The following COL23A1 variants were observed in gnomAD, a reference collection of about 807,000 sequenced individuals.
The protein encoded by COL23A1 is collagen alpha-1(XXIII) chain.
COL23A1 carries 97 observed loss-of-function variants against 99.3 expected under a neutral mutation model. The observed-to-expected ratio is 0.98, with a 90% CI of 0.83 to 1.16. The LOEUF (loss-of-function observed/expected upper bound fraction) is 1.16. Ranked by LOEUF, COL23A1 falls within the 50% of genes most tolerant of loss-of-function variation. The pLI, the probability that COL23A1 is intolerant of heterozygous loss-of-function variation, is 0.00. For synonymous variants in COL23A1, 320 were observed against 308.2 expected, an observed-to-expected ratio of 1.04 and a Z score of -0.40; for missense variants, 762 against 757.4, an observed-to-expected ratio of 1.01 and a Z score of -0.07.
chr5:178,553,413 G>C (rs1373369057), intron 2 of COL23A1, among the ~76,000 whole-genome samples: 1 of 152,190 alleles, frequency 6.6e-6, no homozygotes, highest in African/African-American at 2.4e-5. Context: ...CAAATGTTTT[G>C]ATGGAGCAGA....
chr5:178,314,830 G>A (rs958836553), intron 2 of COL23A1, among the ~76,000 whole-genome samples: 4 of 152,136 alleles, frequency 2.6e-5, no homozygotes, highest in Non-Finnish European at 5.9e-5. Context: ...GAGGCCGTAC[G>A]CTGGTAGCCG....
At chr5:178,324,044 T>C (rs1405951845) in intron 2 of COL23A1, among the ~76,000 whole-genome samples, 1 of 152,078 alleles carries the variant, frequency 6.6e-6, no homozygotes, top group Admixed American at 6.5e-5. Context: ...TCAGATGCCA[T>C]TGTCCAGTCA....
intron 25 of COL23A1, among the ~76,000 whole-genome samples, chr5:178,244,860 T>G (rs1472899802): frequency 6.6e-6 from 1 of 152,244 alleles, no homozygotes; most frequent in African/African-American, 2.4e-5. Context: ...TAAAGCCCTA[T>G]TATCTGTCAC....
chr5:178,435,088 G>T (rs1766485144), intron 2 of COL23A1, among the ~76,000 whole-genome samples: 1 of 152,196 alleles, frequency 6.6e-6, no homozygotes, highest in South Asian at 2.1e-4. Context: ...CCTGGCTCCT[G>T]GAGATTTGCC....
intron 2 of COL23A1, among the ~76,000 whole-genome samples, chr5:178,325,184 C>G (rs1759576142): frequency 6.6e-6 from 1 of 152,220 alleles, no homozygotes; most frequent in South Asian, 2.1e-4. Flanking sequence ...GGGTCGCTGC[C>G]TCCCCACTGC....
At chr5:178,329,164 G>A (rs573664589) in intron 2 of COL23A1, among the ~76,000 whole-genome samples, 2 of 152,338 alleles carry the variant, frequency 1.3e-5, no homozygotes, top group South Asian at 4.1e-4. Context: ...CTGCTAGAAA[G>A]TTCACTGCCA....
intron 2 of COL23A1, among the ~76,000 whole-genome samples, chr5:178,501,254 A>C (rs2127984917): frequency 6.6e-6 from 1 of 152,306 alleles, no homozygotes; most frequent in African/African-American, 2.4e-5. Context: ...TGAGGAAATG[A>C]GTAACCTGGA....
At chr5:178,333,269 A>G (rs1056746146) in intron 2 of COL23A1, among the ~76,000 whole-genome samples, 1 of 152,144 alleles carries the variant, frequency 6.6e-6, no homozygotes, top group African/African-American at 2.4e-5. Flanking sequence ...TCATGTTTTA[A>G]AAAACACCAT....
chr5:178,587,690 C>T (rs560448238), intron 1 of COL23A1, among the ~76,000 whole-genome samples: 7 of 152,296 alleles, frequency 4.6e-5, no homozygotes, highest in East Asian at 1.9e-4. Flanking sequence ...ATTTGGCTTT[C>T]ATATCTAATG....
intron 2 of COL23A1, among the ~76,000 whole-genome samples, chr5:178,349,788 G>C (rs992316737): frequency 9.2e-5 from 14 of 152,204 alleles, no homozygotes; most frequent in African/African-American, 2.7e-4. Flanking sequence ...GGGTGAGAGT[G>C]GGGGGAGGTC....
At chr5:178,322,299 A>ATT (rs200208018) in intron 2 of COL23A1, among the ~76,000 whole-genome samples, 1 of 151,760 alleles carries the variant, frequency 6.6e-6, no homozygotes, top group African/African-American at 2.4e-5. Context: ...GCCCACGCCT[A>ATT]TTTTTTTTGT....
At chr5:178,423,404 A>G (rs932099349) in intron 2 of COL23A1, among the ~76,000 whole-genome samples, 2 of 152,202 alleles carry the variant, frequency 1.3e-5, no homozygotes, top group African/African-American at 4.8e-5. Context: ...AGAATGAACC[A>G]GTGATCTATG....
In COL23A1 at chr5:178,517,818, G is replaced by A. The variant is rs566320071; in HGVS notation, c.361+42864C>T. Among the ~76,000 whole-genome samples, 299 of 147,660 alleles carry A rather than the reference G, an allele frequency of 2.0e-3. 3 individuals carry two copies. Among genetic ancestry groups the A allele is most frequent in the African/African-American group, 6.7e-3 (267 of 39,592 alleles). On this transcript the variant is annotated intron_variant, in intron 2 of 28. Transcript: ENST00000390654. ...CTCGTGATCCGCCCGCCTCAGCCTC[G>A]CAAAGTGCTGGGATTACAGGCGTGA...
intron 2 of COL23A1, among the ~76,000 whole-genome samples, chr5:178,512,535 CAGAA>C (rs1759266938): frequency 6.6e-6 from 1 of 152,118 alleles, no homozygotes; most frequent in African/African-American, 2.4e-5. Flanking sequence ...AAAGGGGCAA[CAGAA>C]AGGTGTCAGG....
Position 178,238,739 on chromosome 5 carries a change from C to T in COL23A1, c.1621-39G>A, listed in dbSNP as rs372303892. On this transcript the variant is annotated intron_variant, in intron 28 of 28. Transcript: ENST00000390654. ...AAGAGACTGAAGGTGACGAGGAGCCCGAGAAGCTCCGCCCCCATCCAGGCC... is the reference window on the plus strand; with the variant it reads ...AAGAGACTGAAGGTGACGAGGAGCCTGAGAAGCTCCGCCCCCATCCAGGCC... 43 of 1,611,928 alleles carry T rather than the reference C, an allele frequency of 2.7e-5. 1 individual carries two copies. Among genetic ancestry groups the T allele is most frequent in the African/African-American group, 2.0e-4 (15 of 74,822 alleles).
intron 2 of COL23A1, among the ~76,000 whole-genome samples, chr5:178,435,842 G>A (rs1007007555): frequency 6.6e-6 from 1 of 152,174 alleles, no homozygotes; most frequent in African/African-American, 2.4e-5. Context: ...GTCAGATGAC[G>A]CGCAGAATCG....
chr5:178,240,052 G>A (rs567241452), intron 27 of COL23A1, among the ~76,000 whole-genome samples: 1 of 152,314 alleles, frequency 6.6e-6, no homozygotes, highest in African/African-American at 2.4e-5. Flanking sequence ...GCTGGAGCAG[G>A]GCAGGCTCAG....
chr5:178,388,065 TC>T (rs1763769053), intron 2 of COL23A1, among the ~76,000 whole-genome samples: 1 of 152,120 alleles, frequency 6.6e-6, no homozygotes, highest in African/African-American at 2.4e-5. Flanking sequence ...GTGTGATTCT[TC>T]CAGTAGGCTC....
At chr5:178,582,402 C>T (rs555647455) in intron 1 of COL23A1, among the ~76,000 whole-genome samples, 1 of 152,190 alleles carries the variant, frequency 6.6e-6, no homozygotes, top group Admixed American at 6.5e-5. Flanking sequence ...GAAGGATCTC[C>T]ACCTCCCCAA....
Sources: gnomAD v4.1 joint callset for allele counts (sites outside exome capture counted in the v4.1 genomes callset) on GRCh38, gnomAD v4.1.1 for gene constraint, MANE v1.5 for transcripts, NCBI Gene and HGNC (gene_info 2026-07-23, HGNC 2026-07-21) for gene names.